The following TMCC2 variants were observed in gnomAD, a reference collection of about 807,000 sequenced individuals.
The protein encoded by TMCC2 is transmembrane and coiled-coil domains protein 2.
A neutral mutation model predicts 49.4 loss-of-function variants in TMCC2; 16 were observed. The ratio of observed to expected loss-of-function variants is 0.32; its 90% CI spans 0.22 to 0.49. The LOEUF is 0.49. Among genes scored for constraint, TMCC2 ranks in the 20% least tolerant of loss-of-function variants. The pLI, the probability that TMCC2 is intolerant of heterozygous loss-of-function variation, is 0.99. For missense variants in TMCC2, 762 were observed against 989.8 expected, an observed-to-expected ratio of 0.77 and a Z score of 3.09; for synonymous variants, 397 against 434.1, an observed-to-expected ratio of 0.91 and a Z score of 1.06.
chr1:205,243,920 G>T (rs1292579732), intron 2 of TMCC2, among the ~76,000 whole-genome samples: 1 of 152,230 alleles, frequency 6.6e-6, no homozygotes, highest in Non-Finnish European at 1.5e-5. Flanking sequence ...GACAGGCCAA[G>T]CACCAGGAGC....
chr1:205,246,411 A>G, intron 2 of TMCC2: 1 of 1,111,968 alleles, frequency 9.0e-7, no homozygotes, highest in Non-Finnish European at 1.2e-6. Flanking sequence ...CAGCTGTACG[A>G]GTCTGGAGTT....
At chr1:205,246,116 G>A (rs981202466) in intron 2 of TMCC2, among the ~76,000 whole-genome samples, 4 of 152,070 alleles carry the variant, frequency 2.6e-5, no homozygotes, top group African/African-American at 9.7e-5. Flanking sequence ...CGGAGTACCT[G>A]TATTCTGGAT....
At chr1:205,247,643 C>A (rs1330164378) in intron 2 of TMCC2, among the ~76,000 whole-genome samples, 1 of 152,220 alleles carries the variant, frequency 6.6e-6, no homozygotes, top group African/African-American at 2.4e-5. Context: ...CTGCCCTGAT[C>A]TCTGGGCATG....
chr1:205,267,034 T>C (rs1015641917), intron 2 of TMCC2, among the ~76,000 whole-genome samples: 1 of 152,128 alleles, frequency 6.6e-6, no homozygotes, highest in African/African-American at 2.4e-5. Flanking sequence ...ACTGTGGGTA[T>C]GAAAGGTCAG....
chr1:205,231,435 T>C (rs1156529728), intron 1 of TMCC2, among the ~76,000 whole-genome samples: 5 of 152,054 alleles, frequency 3.3e-5, no homozygotes, highest in South Asian at 2.1e-4. Flanking sequence ...TAGCTGGTAC[T>C]ACAGGCACAC....
chr1:205,229,559 T>TGGGG (rs1659706107), intron 1 of TMCC2: 10 of 189,972 alleles, frequency 5.3e-5, no homozygotes, highest in African/African-American at 4.5e-4. Flanking sequence ...GGGGGGGGGG[T>TGGGG]GGTGGCGGGG....
chr1:205,229,241 T>C, intron 1 of TMCC2: 1 of 676,034 alleles, frequency 1.5e-6, no homozygotes, highest in Non-Finnish European at 1.8e-6. Context: ...CAGGCTGGAG[T>C]GCAGTGGCGC....
chr1:205,253,368 G>A (rs1050070040), intron 2 of TMCC2, among the ~76,000 whole-genome samples: 13 of 152,294 alleles, frequency 8.5e-5, no homozygotes, highest in Admixed American at 2.6e-4. Flanking sequence ...GCAGAGAGAA[G>A]AGCCTGTGCC....
intron 2 of TMCC2, among the ~76,000 whole-genome samples, chr1:205,258,409 G>C (rs1574856664): frequency 1.3e-5 from 2 of 152,220 alleles, no homozygotes; most frequent in African/African-American, 4.8e-5. Flanking sequence ...CCCCACATGT[G>C]TCCCATTCAG....
chr1:205,249,529 CT>C (rs1000366659), intron 2 of TMCC2, among the ~76,000 whole-genome samples: 49 of 152,336 alleles, frequency 3.2e-4, no homozygotes, highest in Non-Finnish European at 5.0e-4. Context: ...GTGGGGGCCC[CT>C]GGTATAACTG....
chr1:205,240,260 C>T (rs1470770609), intron 1 of TMCC2, among the ~76,000 whole-genome samples: 1 of 152,256 alleles, frequency 6.6e-6, no homozygotes, highest in African/African-American at 2.4e-5. Flanking sequence ...AATTATACCA[C>T]AGTTGCTCGC....
intron 2 of TMCC2, chr1:205,246,642 T>G (rs1660463794): frequency 1.9e-6 from 3 of 1,550,218 alleles, no homozygotes; most frequent in East Asian, 4.9e-5. Flanking sequence ...GTTCAGCCCT[T>G]AATGAGCAGA....
intron 1 of TMCC2, chr1:205,229,780 A>C: frequency 1.0e-6 from 1 of 985,434 alleles, no homozygotes; most frequent in Non-Finnish European, 1.2e-6. Flanking sequence ...GTTCACATGG[A>C]GCTGTTTATT....
At chr1:205,251,442 C>T (rs548543060) in intron 2 of TMCC2, among the ~76,000 whole-genome samples, 1 of 152,258 alleles carries the variant, frequency 6.6e-6, no homozygotes, top group Admixed American at 6.5e-5. Flanking sequence ...CTCTTCCTTA[C>T]AGTTCTCCAG....
intron 1 of TMCC2, among the ~76,000 whole-genome samples, chr1:205,240,100 C>T (rs1052359098): frequency 2.6e-5 from 4 of 152,216 alleles, no homozygotes; most frequent in African/African-American, 9.7e-5. Flanking sequence ...TCCCAAATGG[C>T]TGGGCCCTGA....
At chr1:205,233,010 A>T (rs1004228221) in intron 1 of TMCC2, among the ~76,000 whole-genome samples, 1 of 121,510 alleles carries the variant, frequency 8.2e-6, no homozygotes, top group East Asian at 2.7e-4. Flanking sequence ...AAAAAAAAAA[A>T]CCACAACGTG....
intron 2 of TMCC2, chr1:205,268,048 G>T: frequency 1.0e-6 from 1 of 985,452 alleles, no homozygotes; most frequent in Non-Finnish European, 1.2e-6. Context: ...AATGACTCTG[G>T]AGAGCCGTAA....
Position 205,272,185 on chromosome 1 carries a change from G to T in TMCC2, c.*61G>T. 1.9e-6 allele frequency: 3 copies of T among 1,567,662 alleles called. No individual in the cohort carries two copies. Among genetic ancestry groups the T allele is most frequent in the Non-Finnish European group, 2.6e-6 (3 of 1,154,356 alleles). ...CCAGCTGGCCACACTTCTCCAGGAG[G>T]GACCCTTGGACTTCTTTGTGTGTCC... On this transcript the variant is annotated 3_prime_UTR_variant, in exon 5 of 5. Transcript: ENST00000358024.
chr1:205,252,499 C>T (rs927073989), intron 2 of TMCC2, among the ~76,000 whole-genome samples: 1 of 152,200 alleles, frequency 6.6e-6, no homozygotes, highest in African/African-American at 2.4e-5. Flanking sequence ...TCTTTGGTCA[C>T]ATGGGTTTCT....
Sources: gnomAD v4.1 joint callset for allele counts (sites outside exome capture counted in the v4.1 genomes callset) on GRCh38, gnomAD v4.1.1 for gene constraint, MANE v1.5 for transcripts, NCBI Gene and HGNC (gene_info 2026-07-23, HGNC 2026-07-21) for gene names.